Variants in TMEM132D observed in about 807,000 individuals in gnomAD.
The protein encoded by TMEM132D is mature OL transmembrane protein.
A neutral mutation model predicts 62.3 loss-of-function variants in TMEM132D; 21 were observed. That is an observed-to-expected ratio of 0.34 (90% CI 0.24 to 0.49). The LOEUF (loss-of-function observed/expected upper bound fraction) is 0.49, where lower values mean the gene tolerates loss of function less well. Ranked by LOEUF, TMEM132D falls within the 20% of genes least tolerant of loss-of-function variation. TMEM132D has a pLI of 0.99. For missense variants in TMEM132D, 1,346 were observed against 1,402.8 expected (o/e 0.96, Z 0.65); for synonymous variants, 621 against 575.6 (o/e 1.08, Z -1.13).
intron 3 of TMEM132D, among the ~76,000 whole-genome samples, chr12:129,379,755 G>A (rs534518457): frequency 6.6e-6 from 1 of 152,228 alleles, no homozygotes; most frequent in Admixed American, 6.5e-5. Context: ...CCAATAAAGT[G>A]CCAACATCTG....
At chr12:129,360,994 G>A (rs1870231491) in intron 3 of TMEM132D, among the ~76,000 whole-genome samples, 1 of 152,110 alleles carries the variant, frequency 6.6e-6, no homozygotes, top group East Asian at 1.9e-4. Context: ...AAACACAAAC[G>A]CAGCTTCCTG....
chr12:129,599,404 T>C (rs973140826), intron 2 of TMEM132D, among the ~76,000 whole-genome samples: 2 of 152,368 alleles, frequency 1.3e-5, no homozygotes, highest in East Asian at 1.9e-4. Context: ...AGCCACTATC[T>C]ATTCTGCAAA....
intron 1 of TMEM132D, among the ~76,000 whole-genome samples, chr12:129,703,530 C>G (rs145495141): frequency 2.7e-5 from 4 of 150,646 alleles, no homozygotes; most frequent in Non-Finnish European, 5.9e-5. Context: ...ACAGAATGAA[C>G]GAAGTAAAAC....
At chr12:129,279,875 G>C (rs1229588538) in intron 4 of TMEM132D, among the ~76,000 whole-genome samples, 1 of 152,180 alleles carries the variant, frequency 6.6e-6, no homozygotes, top group Non-Finnish European at 1.5e-5. Flanking sequence ...TAATTCCATT[G>C]TATCTGAAGT....
At chr12:129,765,568 CAAAAA>C (rs55638594) in intron 1 of TMEM132D, among the ~76,000 whole-genome samples, 4 of 145,220 alleles carry the variant, frequency 2.8e-5, no homozygotes, top group African/African-American at 2.6e-5. Context: ...TTGCATCTCC[CAAAAA>C]AAAAAAAAAG....
chr12:129,287,416 T>C (rs1302334843), intron 4 of TMEM132D, among the ~76,000 whole-genome samples: 1 of 152,186 alleles, frequency 6.6e-6, no homozygotes, highest in Non-Finnish European at 1.5e-5. Flanking sequence ...ACAAGAATCA[T>C]CAATAGATGC....
intron 5 of TMEM132D, among the ~76,000 whole-genome samples, chr12:129,101,734 G>A (rs946790612): frequency 6.6e-6 from 1 of 152,020 alleles, no homozygotes; most frequent in Non-Finnish European, 1.5e-5. Context: ...TTCTACCTAG[G>A]CTGTGACAGT....
At chr12:129,134,166 C>CTGTG (rs150672060) in intron 5 of TMEM132D, among the ~76,000 whole-genome samples, 1 of 137,870 alleles carries the variant, frequency 7.3e-6, no homozygotes. Flanking sequence ...GTGTGTGTGT[C>CTGTG]TGTGTGTGTG....
chr12:129,816,204 T>C (rs1461098556), intron 1 of TMEM132D, among the ~76,000 whole-genome samples: 2 of 152,236 alleles, frequency 1.3e-5, no homozygotes, highest in Admixed American at 1.3e-4. Flanking sequence ...GCCGTGTTCA[T>C]CTTTTTTGAG....
At position 129,607,120 on chromosome 12, in the gene TMEM132D, T is replaced by C. The variant is rs193118560; in HGVS notation, c.969-75915A>G. On this transcript the variant is annotated intron_variant, in intron 2 of 8. Coordinates refer to ENST00000422113, the MANE Select transcript of TMEM132D (RefSeq NM_133448.3). The stretch of plus-strand genomic sequence containing the variant: ...CTGCAATTGGGGAGGGTCGCAAGAT[T>C]ACCTTGTTCAACAATTTGTTAGAAG... 1.2e-3 allele frequency among the ~76,000 whole-genome samples: 185 copies of C among 152,212 alleles called. 1 individual carries two copies. Among genetic ancestry groups the C allele is most frequent in the African/African-American group, 4.3e-3 (178 of 41,540 alleles).
At chr12:129,751,278 C>A (rs1242882346) in intron 1 of TMEM132D, among the ~76,000 whole-genome samples, 3 of 152,112 alleles carry the variant, frequency 2.0e-5, no homozygotes, top group Non-Finnish European at 4.4e-5. Context: ...TAGTCTTAAC[C>A]ATGGCAGAGC....
chr12:129,643,720 G>T (rs1267598390), intron 2 of TMEM132D, among the ~76,000 whole-genome samples: 1 of 152,102 alleles, frequency 6.6e-6, no homozygotes, highest in Admixed American at 6.5e-5. Context: ...CTTTCGAGAG[G>T]CTCATCAGAA....
At chr12:129,777,507 C>G (rs1396921408) in intron 1 of TMEM132D, among the ~76,000 whole-genome samples, 1 of 152,158 alleles carries the variant, frequency 6.6e-6, no homozygotes, top group Non-Finnish European at 1.5e-5. Context: ...CATCCTGGCT[C>G]CTAGCGTCCA....
chr12:129,134,161 T>G (rs1340647116), intron 5 of TMEM132D, among the ~76,000 whole-genome samples: 1 of 150,850 alleles, frequency 6.6e-6, no homozygotes, highest in African/African-American at 2.4e-5. Flanking sequence ...TGTCTGTGTG[T>G]GTGTCTGTGT....
At chr12:129,236,632 G>T (rs781409656) in intron 4 of TMEM132D, among the ~76,000 whole-genome samples, 1 of 151,752 alleles carries the variant, frequency 6.6e-6, no homozygotes, top group Non-Finnish European at 1.5e-5. Context: ...TTTTCGTGGC[G>T]TCTTTAGGGT....
rs1471041366 is a variant in TMEM132D, at chr12:129,074,190, C to T, written c.2985G>A (p.Met995Ile). Residue 995 changes from methionine to isoleucine, a missense_variant, in exon 9 of 9, where the codon ATG becomes ATA. Met to Ile is a conservative substitution (Grantham distance 10). Coordinates refer to ENST00000422113, the MANE Select transcript of TMEM132D (RefSeq NM_133448.3). ...DEQITAIDRGMDFEESKYLLS... is the reference protein window; with the variant it reads ...DEQITAIDRGIDFEESKYLLS... ...GGAGATATTTACTTTCCTCGAAATC[C>T]ATGCCCCTGTCAATGGCAGTGATTT... The T allele has an allele frequency of 5.0e-6, 8 of 1,613,878 alleles. No homozygotes were observed. Among genetic ancestry groups the T allele is most frequent in the African/African-American group, 4.0e-5 (3 of 74,840 alleles).
At chr12:129,579,845 C>T (rs1044780491) in intron 2 of TMEM132D, among the ~76,000 whole-genome samples, 3 of 152,190 alleles carry the variant, frequency 2.0e-5, no homozygotes, top group African/African-American at 4.8e-5. Context: ...CAAGTTGACA[C>T]TCAATATTAA....
chr12:129,570,204 T>A (rs1877474342), intron 2 of TMEM132D, among the ~76,000 whole-genome samples: 1 of 152,120 alleles, frequency 6.6e-6, no homozygotes, highest in African/African-American at 2.4e-5. Context: ...AAATAATGGG[T>A]TTATCCTCTT....
chr12:129,250,300 T>C (rs11060215), intron 4 of TMEM132D, among the ~76,000 whole-genome samples: 51,649 of 152,144 alleles, frequency 0.34, 10,128 homozygotes, highest in Non-Finnish European at 0.45. Flanking sequence ...TATCACAATT[T>C]TATGCAGATA....
Sources: gnomAD v4.1 joint callset for allele counts (sites outside exome capture counted in the v4.1 genomes callset) on GRCh38, gnomAD v4.1.1 for gene constraint, MANE v1.5 for transcripts, NCBI Gene and HGNC (gene_info 2026-07-23, HGNC 2026-07-21) for gene names.